The following EYS variants were observed in gnomAD, a reference collection of about 807,000 sequenced individuals.
EYS encodes the protein EGF-like photoreceptor maintenance factor, also known as protein eyes shut homolog.
In EYS, 250 loss-of-function variants were observed where a neutral mutation model predicts 282.1. The observed-to-expected ratio is 0.89, with a 90% confidence interval of 0.80 to 0.98. The LOEUF (loss-of-function observed/expected upper bound fraction) is 0.98, where lower values mean the gene tolerates loss of function less well. EYS is among the 50% of genes least tolerant of loss of function. The pLI, the probability that EYS is intolerant of heterozygous loss-of-function variation, is 0.00. For synonymous variants in EYS, 1,355 were observed against 1,282.9 expected (o/e 1.06, Z -1.20); for missense variants, 4,016 against 3,709.0 (o/e 1.08, Z -2.15).
At chr6:63,895,905 GTTTTTT>G (rs10705427) in intron 35 of EYS, among the ~76,000 whole-genome samples, 4,113 of 124,194 alleles carry the variant, frequency 0.033, 70 homozygotes, top group Non-Finnish European at 0.047. Context: ...ATCATGATTT[GTTTTTT>G]TTTTTTTTTT....
chr6:64,664,741 T>C (rs1769168545), intron 22 of EYS, among the ~76,000 whole-genome samples: 1 of 152,162 alleles, frequency 6.6e-6, no homozygotes. Context: ...GAGAACACAG[T>C]AAGAAGACAG....
chr6:65,010,358 T>C (rs1384546824), intron 13 of EYS, among the ~76,000 whole-genome samples: 3 of 152,240 alleles, frequency 2.0e-5, no homozygotes, highest in Non-Finnish European at 4.4e-5. Context: ...AGGAGACTTG[T>C]GGCTGTCAGA....
chr6:64,477,552 G>A (rs4142181), intron 26 of EYS, among the ~76,000 whole-genome samples: 47,909 of 151,630 alleles, frequency 0.32, 7,630 homozygotes, highest in East Asian at 0.5. Flanking sequence ...CACATGGCCC[G>A]TTGCTGATCA....
At chr6:65,184,905 A>C (rs1233282289) in intron 12 of EYS, among the ~76,000 whole-genome samples, 1 of 151,678 alleles carries the variant, frequency 6.6e-6, no homozygotes, top group Non-Finnish European at 1.5e-5. Context: ...GAAGACACTA[A>C]TGTCTGGCAC....
intron 31 of EYS, among the ~76,000 whole-genome samples, chr6:64,180,563 C>A (rs1582390564): frequency 6.7e-6 from 1 of 149,866 alleles, no homozygotes; most frequent in African/African-American, 2.5e-5. Context: ...AGTTTTTCAA[C>A]CCATACCCCC....
At chr6:65,156,909 CT>C (rs1764742385) in intron 12 of EYS, among the ~76,000 whole-genome samples, 1 of 150,988 alleles carries the variant, frequency 6.6e-6, no homozygotes, top group Admixed American at 6.6e-5. Flanking sequence ...ATCCCAGTCC[CT>C]TAACTTAAAC....
chr6:64,679,942 T>G (rs1769838428), intron 22 of EYS, among the ~76,000 whole-genome samples: 1 of 152,162 alleles, frequency 6.6e-6, no homozygotes, highest in Admixed American at 6.5e-5. Context: ...AACTTTACTC[T>G]TATCTCTTCT....
chr6:65,164,804 A>G (rs1189117398), intron 12 of EYS, among the ~76,000 whole-genome samples: 2 of 151,336 alleles, frequency 1.3e-5, no homozygotes, highest in East Asian at 3.9e-4. Context: ...TTTGCTGGCA[A>G]TATTCATCAC....
chr6:65,533,463 A>G, intron 2 of EYS, among the ~76,000 whole-genome samples: 1 of 152,144 alleles, frequency 6.6e-6, no homozygotes, highest in Non-Finnish European at 1.5e-5. Flanking sequence ...AAAAAGAGGG[A>G]ATCCTTCTTA....
At chr6:64,663,978 C>G (rs544158752) in intron 22 of EYS, among the ~76,000 whole-genome samples, 16 of 152,314 alleles carry the variant, frequency 1.1e-4, no homozygotes, top group African/African-American at 3.8e-4. Flanking sequence ...GCCTCTAGCC[C>G]GATCAGGAGT....
intron 5 of EYS, among the ~76,000 whole-genome samples, chr6:65,462,111 T>C (rs1450364980): frequency 6.6e-6 from 1 of 152,104 alleles, no homozygotes; most frequent in Non-Finnish European, 1.5e-5. Context: ...GGGACATTTG[T>C]ATAATAGGAA....
intron 22 of EYS, among the ~76,000 whole-genome samples, chr6:64,677,720 T>C (rs1396580833): frequency 1.3e-5 from 2 of 152,132 alleles, no homozygotes; most frequent in Non-Finnish European, 2.9e-5. Flanking sequence ...AAAAATCAAC[T>C]ATTTAGTTAT....
chr6:65,588,465 G>A (rs1765129122), intron 2 of EYS, among the ~76,000 whole-genome samples: 1 of 151,948 alleles, frequency 6.6e-6, no homozygotes, highest in Non-Finnish European at 1.5e-5. Context: ...TGCCTCTGAG[G>A]TCTCAGCAAA....
intron 40 of EYS, 196 bp downstream of exon 40, chr6:63,777,809 GA>G: frequency 1.9e-6 from 1 of 537,220 alleles, no homozygotes; most frequent in East Asian, 3.1e-5. Context: ...ACAGAACTAA[GA>G]TGGCATAAAT....
At chr6:65,465,077 C>T (rs1054399005) in intron 5 of EYS, among the ~76,000 whole-genome samples, 18 of 152,004 alleles carry the variant, frequency 1.2e-4, no homozygotes, top group African/African-American at 1.5e-4. Context: ...TAGTCTACTG[C>T]GTTAATAAGA....
Position 65,511,810 on chromosome 6 carries a change from G to A in EYS, c.-332-15817C>T, listed in dbSNP as rs915631054. Among the ~76,000 whole-genome samples the A allele has an allele frequency of 2.1e-4, 32 of 151,626 alleles. 1 individual carries two copies. The highest frequency in any genetic ancestry group is 7.5e-4 in the African/African-American group (31 of 41,280). ...TCTACTAAAAATACACAAACTAGCT[G>A]GGTGTGATGGCACACACTCCTATAA... On this transcript the variant is annotated intron_variant, in intron 2 of 42. Coordinates refer to ENST00000503581, the MANE Select transcript of EYS (RefSeq NM_001142800.2).
chr6:63,781,600 G>T (rs1391207216), intron 39 of EYS, among the ~76,000 whole-genome samples: 1 of 152,162 alleles, frequency 6.6e-6, no homozygotes, highest in African/African-American at 2.4e-5. Flanking sequence ...CATTAATTTT[G>T]TATCCTGAGA....
chr6:65,699,930 T>C (rs968313845), intron 1 of EYS, among the ~76,000 whole-genome samples: 11 of 151,184 alleles, frequency 7.3e-5, no homozygotes, highest in East Asian at 2.0e-4. Context: ...CTGGCTAACA[T>C]GGTGAAACCC....
At chr6:65,225,437 TG>T (rs1001169577) in intron 12 of EYS, among the ~76,000 whole-genome samples, 6 of 151,816 alleles carry the variant, frequency 4.0e-5, no homozygotes, top group African/African-American at 1.4e-4. Flanking sequence ...CCACATAGGC[TG>T]GGCACGGTGG....
Sources: gnomAD v4.1 joint callset for allele counts (sites outside exome capture counted in the v4.1 genomes callset) on GRCh38, gnomAD v4.1.1 for gene constraint, MANE v1.5 for transcripts, NCBI Gene and HGNC (gene_info 2026-07-23, HGNC 2026-07-21) for gene names.